The following FOXO1 variants were observed in gnomAD, a reference collection of about 807,000 sequenced individuals.
FOXO1 encodes the protein forkhead box protein O1.
FOXO1 carries 6 observed loss-of-function variants against 44.1 expected under a neutral mutation model. The observed-to-expected ratio is 0.14, with a 90% CI of 0.07 to 0.27. The LOEUF (loss-of-function observed/expected upper bound fraction) is 0.27, where lower values mean the gene tolerates loss of function less well. FOXO1 is among the 10% of genes least tolerant of loss of function. FOXO1 has a pLI of 1.00. For synonymous variants in FOXO1, 380 were observed against 362.7 expected, an observed-to-expected ratio of 1.05 and a Z score of -0.54; for missense variants, 737 against 888.8, an observed-to-expected ratio of 0.83 and a Z score of 2.17.
At chr13:40,650,334 T>C (rs1277836441) in intron 1 of FOXO1, among the ~76,000 whole-genome samples, 1 of 152,192 alleles carries the variant, frequency 6.6e-6, no homozygotes, top group Non-Finnish European at 1.5e-5. Context: ...CTGTATCTTG[T>C]GCTGACCAAC....
intron 1 of FOXO1, among the ~76,000 whole-genome samples, chr13:40,576,405 G>A (rs1874747090): frequency 6.6e-6 from 1 of 152,188 alleles, no homozygotes; most frequent in Non-Finnish European, 1.5e-5. Flanking sequence ...ATGATAGGAG[G>A]AGAGTTTGGG....
At chr13:40,615,303 G>A (rs1259142155) in intron 1 of FOXO1, among the ~76,000 whole-genome samples, 5 of 152,144 alleles carry the variant, frequency 3.3e-5, no homozygotes, top group African/African-American at 7.2e-5. Flanking sequence ...CTGGGAGGCC[G>A]AGGCAGGCGG....
chr13:40,560,714 G>C lies in FOXO1; in HGVS notation c.777C>G (p.Asn259Lys). Reference protein sequence around the residue: ...SPRRRAASMDNNSKFAKSRSR... With the variant: ...SPRRRAASMDKNSKFAKSRSR... ...TTCGGCTCTTAGCAAATTTACTGTT[G>C]TTGTCCATGGATGCAGCTCTTCTCC... Residue 259 changes from asparagine (N) to lysine (K), a missense_variant, in exon 2 of 3, where the codon AAC becomes AAG. Transcript: ENST00000379561. This position sits in a 1 kb window ranked among gnomAD's most constrained non-coding sequence, Gnocchi z 5.1. The C allele has an allele frequency of 6.2e-7, 1 of 1,614,168 alleles. No individual in the cohort carries two copies. The highest frequency in any genetic ancestry group is 8.5e-7 in the Non-Finnish European group (1 of 1,180,032).
At chr13:40,606,985 T>C (rs1876022355) in intron 1 of FOXO1, among the ~76,000 whole-genome samples, 1 of 152,242 alleles carries the variant, frequency 6.6e-6, no homozygotes, top group Non-Finnish European at 1.5e-5. Flanking sequence ...TCACTTTGCC[T>C]TTCCCTTCAG....
chr13:40,655,987 T>C (rs1877848035), intron 1 of FOXO1, among the ~76,000 whole-genome samples: 1 of 152,162 alleles, frequency 6.6e-6, no homozygotes, highest in Non-Finnish European at 1.5e-5. Context: ...TGTTATTTAA[T>C]CTACAACTGT....
Position 40,575,174 on chromosome 13 carries a change from T to TA in FOXO1, c.631-14315dup, listed in dbSNP as rs768972372. On this transcript the variant is annotated intron_variant, in intron 1 of 2. Coordinates refer to ENST00000379561, the MANE Select transcript of FOXO1 (RefSeq NM_002015.4). ...CAATGAGACCATCCTGTCTCTACAT[T>TA]AAAAAAAAAAAAATCAAAAAGTTAG... is the stretch of plus-strand genomic sequence containing the variant. Among the ~76,000 whole-genome samples, 1,102 of 144,446 alleles carry TA rather than the reference T, an allele frequency of 7.6e-3. 10 individuals are homozygous for TA. Among genetic ancestry groups the TA allele is most frequent in the African/African-American group, 0.023 (902 of 39,500 alleles). The allele number at this position is 144,446 out of a possible 152,430, so 94.8% of individuals were successfully genotyped here. A position where few individuals can be genotyped will look rare whatever the true frequency, so the allele number is the denominator to read the frequency against.
In FOXO1 at chr13:40,556,430, T is replaced by C. The variant is rs1873752796; in HGVS notation, c.*2619A>G. 6.6e-6 allele frequency: 1 copy of C among 152,626 alleles called. No individual in the cohort carries two copies. The highest frequency in any genetic ancestry group is 1.5e-5 in the Non-Finnish European group (1 of 68,040). The allele number at this position is 152,626 out of a possible 1,614,324, so 9.5% of individuals were successfully genotyped here. ...ATATCTGAATAGCTCTATAATACAA[T>C]ATGCTTTTAATAACAGTACAAACCA... On this transcript the variant is annotated 3_prime_UTR_variant, in exon 3 of 3. Transcript: ENST00000379561.
At chr13:40,626,596 AATG>A (rs1478906653) in intron 1 of FOXO1, among the ~76,000 whole-genome samples, 2 of 152,204 alleles carry the variant, frequency 1.3e-5, no homozygotes, top group African/African-American at 4.8e-5. Context: ...CACCTACAGA[AATG>A]ATAACTAGGC....
At chr13:40,599,952 T>G (rs534118807) in intron 1 of FOXO1, among the ~76,000 whole-genome samples, 3 of 152,246 alleles carry the variant, frequency 2.0e-5, no homozygotes, top group South Asian at 4.1e-4. Flanking sequence ...ACCAGTGTAG[T>G]GACCCAAGTA....
chr13:40,586,812 A>C (rs1875184846), intron 1 of FOXO1, among the ~76,000 whole-genome samples: 1 of 152,156 alleles, frequency 6.6e-6, no homozygotes, highest in East Asian at 1.9e-4. Context: ...TGACATGCAA[A>C]GTCAGCACAA....
intron 1 of FOXO1, among the ~76,000 whole-genome samples, chr13:40,561,685 T>C (rs1222851433): frequency 1.3e-5 from 2 of 151,934 alleles, no homozygotes; most frequent in African/African-American, 2.4e-5. Flanking sequence ...ATATAGAATA[T>C]AGGCCAGGCA....
chr13:40,577,768 C>T (rs1874814103), intron 1 of FOXO1, among the ~76,000 whole-genome samples: 1 of 151,974 alleles, frequency 6.6e-6, no homozygotes, highest in African/African-American at 2.4e-5. Flanking sequence ...TACTCAATGC[C>T]TAGAACAGAA....
chr13:40,615,297 G>A (rs145614150), intron 1 of FOXO1, among the ~76,000 whole-genome samples: 1 of 152,300 alleles, frequency 6.6e-6, no homozygotes, highest in African/African-American at 2.4e-5. Context: ...AGCACTCTGG[G>A]AGGCCGAGGC....
At chr13:40,659,492 G>A (rs1877970224) in intron 1 of FOXO1, among the ~76,000 whole-genome samples, 1 of 151,508 alleles carries the variant, frequency 6.6e-6, no homozygotes, top group Non-Finnish European at 1.5e-5. Context: ...AATGAATATG[G>A]CTTGAAATAA....
intron 1 of FOXO1, among the ~76,000 whole-genome samples, chr13:40,651,090 T>G (rs9532572): frequency 2.5e-4 from 28 of 113,108 alleles, no homozygotes; most frequent in Non-Finnish European, 1.0e-4. Flanking sequence ...TTTGGTTTTT[T>G]GTTTTTTGTT....
intron 1 of FOXO1, among the ~76,000 whole-genome samples, chr13:40,664,958 A>G (rs1878175064): frequency 6.6e-6 from 1 of 151,614 alleles, no homozygotes; most frequent in African/African-American, 2.4e-5. Flanking sequence ...CGGGCTCGGG[A>G]CGCCGGGCCC....
At chr13:40,624,828 G>A (rs1229677424) in intron 1 of FOXO1, among the ~76,000 whole-genome samples, 1 of 152,122 alleles carries the variant, frequency 6.6e-6, no homozygotes, top group Non-Finnish European at 1.5e-5. Context: ...GTCTCACTGG[G>A]AATTATGCAT....
intron 1 of FOXO1, among the ~76,000 whole-genome samples, chr13:40,659,327 A>AG (rs1429848427): frequency 4.6e-5 from 7 of 151,238 alleles, no homozygotes; most frequent in African/African-American, 1.7e-4. Context: ...AAAAAAAAAA[A>AG]AAAAGAAAAG....
intron 1 of FOXO1, among the ~76,000 whole-genome samples, chr13:40,660,411 C>A (rs940714048): frequency 2.6e-5 from 4 of 152,150 alleles, no homozygotes; most frequent in African/African-American, 9.7e-5. Flanking sequence ...TTTCCAAGGG[C>A]AGAGTGTTCC....
Sources: allele counts gnomAD v4.1 joint callset (sites outside exome capture counted in the v4.1 genomes callset), GRCh38; gene constraint gnomAD v4.1.1; non-coding constraint Gnocchi (gnomAD v3.1); transcripts MANE v1.5; gene names NCBI Gene and HGNC (gene_info 2026-07-23, HGNC 2026-07-21).